Variants in RPS6KC1 observed in about 807,000 individuals in gnomAD.
The protein encoded by RPS6KC1 is inactive ribosomal protein S6 kinase delta-1.
RPS6KC1 carries 54 observed loss-of-function variants against 103.8 expected under a neutral mutation model. That is an observed-to-expected ratio of 0.52 (90% CI 0.42 to 0.65). The LOEUF (loss-of-function observed/expected upper bound fraction) is 0.65, where lower values mean the gene tolerates loss of function less well. Among genes scored for constraint, RPS6KC1 ranks in the 30% least tolerant of loss-of-function variants. The pLI, the probability that RPS6KC1 is intolerant of heterozygous loss-of-function variation, is 0.00. For synonymous variants in RPS6KC1, 439 were observed against 438.7 expected (o/e 1.00, Z -0.01); for missense variants, 1,151 against 1,253.8 (o/e 0.92, Z 1.24).
chr1:213,199,524 A>G (rs1475848132), intron 8 of RPS6KC1, among the ~76,000 whole-genome samples: 2 of 152,182 alleles, frequency 1.3e-5, no homozygotes, highest in African/African-American at 4.8e-5. Flanking sequence ...TCCATGACAA[A>G]CTCACAGCCA....
the RPS6KC1 span, among the ~76,000 whole-genome samples, chr1:213,316,330 C>A: frequency 6.6e-6 from 1 of 152,170 alleles, no homozygotes; most frequent in African/African-American, 2.4e-5. Context: ...CAGTCTTGGG[C>A]AGTTCTTTAT....
chr1:213,614,290 G>A, the RPS6KC1 span, among the ~76,000 whole-genome samples: 4 of 152,196 alleles, frequency 2.6e-5, no homozygotes, highest in African/African-American at 9.7e-5. Flanking sequence ...ACCAGGAAAG[G>A]TGCCCCCAGG....
intron 8 of RPS6KC1, among the ~76,000 whole-genome samples, chr1:213,206,938 C>G (rs1338434335): frequency 1.3e-5 from 2 of 152,106 alleles, no homozygotes; most frequent in East Asian, 3.9e-4. Flanking sequence ...TGGTGAAACC[C>G]TGTCTCTACC....
At chr1:213,142,744 C>T (rs536418486) in intron 6 of RPS6KC1, among the ~76,000 whole-genome samples, 1 of 151,974 alleles carries the variant, frequency 6.6e-6, no homozygotes, top group Non-Finnish European at 1.5e-5. Context: ...AAAAAGATTG[C>T]GACTTACTGA....
At position 213,240,788 on chromosome 1, in the gene RPS6KC1, C is replaced by G. The variant is rs139398884; in HGVS notation, c.1312C>G (p.Leu438Val). ...CATCAAGGAAGTGAAAAAACCTACA[C>G]TTGCAAAAGTTCACCTGCAGCAGCC... ...FDIKEVKKPT[L>V]AKVHLQQPTS... is the part of the protein sequence containing the mutation. Residue 438 changes from leucine to valine, a missense_variant, in exon 11 of 15, where the codon CTT (leucine) becomes GTT (valine). This residue lies in a region of RPS6KC1 where 959 missense variants were observed against 1,006.3 expected (regional missense o/e 0.95). Coordinates refer to ENST00000366960, the MANE Select transcript of RPS6KC1 (RefSeq NM_012424.6). 4 of 1,613,780 alleles carry G rather than the reference C, an allele frequency of 2.5e-6. No individual in the cohort carries two copies. Among genetic ancestry groups the G allele is most frequent in the Middle Eastern group, 1.6e-4 (1 of 6,082 alleles).
chr1:213,533,478 G>C, the RPS6KC1 span, among the ~76,000 whole-genome samples: 2 of 152,098 alleles, frequency 1.3e-5, no homozygotes, highest in Admixed American at 1.3e-4. Context: ...TGTCTCTCTG[G>C]AAGGAACATG....
At chr1:213,417,857 A>G in the RPS6KC1 span, among the ~76,000 whole-genome samples, 1 of 152,170 alleles carries the variant, frequency 6.6e-6, no homozygotes, top group Non-Finnish European at 1.5e-5. Flanking sequence ...TTTACAACTC[A>G]GTGTTGTTTC....
At chr1:213,520,307 A>C in the RPS6KC1 span, among the ~76,000 whole-genome samples, 1 of 152,160 alleles carries the variant, frequency 6.6e-6, no homozygotes, top group Non-Finnish European at 1.5e-5. Context: ...AAAAAGAGAG[A>C]ATGAGAGCCA....
At chr1:213,239,539 A>G (rs1028030714) in intron 10 of RPS6KC1, among the ~76,000 whole-genome samples, 2 of 151,970 alleles carry the variant, frequency 1.3e-5, no homozygotes, top group Non-Finnish European at 2.9e-5. Flanking sequence ...GGTATTTTTG[A>G]TGTTTCCGTT....
chr1:213,798,401 C>T, the RPS6KC1 span, among the ~76,000 whole-genome samples: 2 of 152,186 alleles, frequency 1.3e-5, no homozygotes, highest in African/African-American at 4.8e-5. Context: ...GGTCTGTACT[C>T]TTAGAAGTCA....
chr1:213,074,091 C>T (rs947786956), intron 2 of RPS6KC1, among the ~76,000 whole-genome samples: 1 of 152,144 alleles, frequency 6.6e-6, no homozygotes, highest in African/African-American at 2.4e-5. Flanking sequence ...AGAGATAATC[C>T]AGCAAATTTT....
the RPS6KC1 span, among the ~76,000 whole-genome samples, chr1:213,586,131 G>A: frequency 6.6e-6 from 1 of 152,078 alleles, no homozygotes. Flanking sequence ...GCCATCCATG[G>A]TGACCTTGGC....
chr1:213,289,253 C>A, the RPS6KC1 span, among the ~76,000 whole-genome samples: 210 of 77,054 alleles, frequency 2.7e-3, no homozygotes, highest in African/African-American at 5.1e-3. Flanking sequence ...GTTGGATGCT[C>A]AAAAAAAAAA....
chr1:213,252,925 C>T (rs533798002), intron 12 of RPS6KC1, among the ~76,000 whole-genome samples: 1 of 152,204 alleles, frequency 6.6e-6, no homozygotes, highest in South Asian at 2.1e-4. Flanking sequence ...TACATAAACA[C>T]TTTATTTACA....
chr1:213,069,682 T>A (rs956264651), intron 1 of RPS6KC1, among the ~76,000 whole-genome samples: 10 of 152,240 alleles, frequency 6.6e-5, no homozygotes, highest in Non-Finnish European at 1.0e-4. Context: ...TATCTTTTTT[T>A]AAAATTTTTT....
the RPS6KC1 span, among the ~76,000 whole-genome samples, chr1:213,666,109 C>T: frequency 1.6e-4 from 24 of 152,200 alleles, no homozygotes; most frequent in Non-Finnish European, 3.4e-4. Context: ...TGTTCCTGCT[C>T]TCAAGAGCTT....
the RPS6KC1 span, among the ~76,000 whole-genome samples, chr1:213,477,622 A>G: frequency 6.6e-6 from 1 of 152,218 alleles, no homozygotes; most frequent in Admixed American, 6.5e-5. Context: ...ATGAAAGTGA[A>G]AAACAAAAAG....
Position 213,273,428 on chromosome 1 carries a change from A to T in RPS6KC1, c.*794A>T, listed in dbSNP as rs953038136. Reference sequence around the variant, plus strand: ...GCTTATTTCCCTTTGTGTAAGGACTAAGAAATCATGATATCAAATAAACAT... The same window carrying T: ...GCTTATTTCCCTTTGTGTAAGGACTTAGAAATCATGATATCAAATAAACAT... On this transcript the variant is annotated 3_prime_UTR_variant, in exon 15 of 15. Transcript: ENST00000366960. 1 of 152,664 alleles carries T rather than the reference A, an allele frequency of 6.6e-6. No homozygotes were observed. The highest frequency in any genetic ancestry group is 1.5e-5 in the Non-Finnish European group (1 of 68,050). 9.5% of individuals were successfully genotyped at this position (152,664 alleles called of 1,614,324 possible).
chr1:213,782,085 C>T, the RPS6KC1 span, among the ~76,000 whole-genome samples: 1 of 152,074 alleles, frequency 6.6e-6, no homozygotes, highest in Admixed American at 6.5e-5. Flanking sequence ...GGGTGAGACT[C>T]GAGTTCAGTG....
Sources: allele counts gnomAD v4.1 joint callset (sites outside exome capture counted in the v4.1 genomes callset), GRCh38; gene constraint gnomAD v4.1.1; regional missense constraint gnomAD v4.1.1; transcripts MANE v1.5; gene names NCBI Gene and HGNC (gene_info 2026-07-23, HGNC 2026-07-21).